TSHZ3: variants seen among roughly 807,000 people sequenced by gnomAD.
TSHZ3 encodes teashirt zinc finger homeobox 3.
In TSHZ3, 10 loss-of-function variants were observed where a neutral mutation model predicts 64.5. That is an observed-to-expected ratio of 0.16 (90% CI 0.10 to 0.26). The LOEUF (loss-of-function observed/expected upper bound fraction) is 0.26. Among genes scored for constraint, TSHZ3 ranks in the 10% least tolerant of loss-of-function variants. The pLI, the probability that TSHZ3 is intolerant of heterozygous loss-of-function variation, is 1.00. For synonymous variants in TSHZ3, 608 were observed against 593.1 expected (o/e 1.03, Z -0.36); for missense variants, 1,242 against 1,421.7 (o/e 0.87, Z 2.03).
At chr19:31,297,501 A>G (rs1976685274) in intron 1 of TSHZ3, among the ~76,000 whole-genome samples, 1 of 152,144 alleles carries the variant, frequency 6.6e-6, no homozygotes, top group Non-Finnish European at 1.5e-5. Flanking sequence ...TTAAGAGACA[A>G]GGTCTTGTTC....
intron 1 of TSHZ3, among the ~76,000 whole-genome samples, chr19:31,246,043 T>A (rs1055818640): frequency 4.6e-5 from 7 of 152,228 alleles, no homozygotes; most frequent in Non-Finnish European, 7.3e-5. Context: ...CCTCAGAGAC[T>A]TCTCTTATTG....
intron 1 of TSHZ3, among the ~76,000 whole-genome samples, chr19:31,343,535 C>G (rs181832191): frequency 1.3e-3 from 203 of 152,180 alleles, no homozygotes; most frequent in African/African-American, 4.8e-3. Flanking sequence ...CAAGGACACT[C>G]TGTAATCTTT....
chr19:31,304,492 G>A (rs1976806602), intron 1 of TSHZ3, among the ~76,000 whole-genome samples: 1 of 145,798 alleles, frequency 6.9e-6, no homozygotes, highest in African/African-American at 2.5e-5. Flanking sequence ...GTCAAACTGG[G>A]ACCATAACAA....
At chr19:31,284,549 G>A (rs1976421791) in intron 1 of TSHZ3, among the ~76,000 whole-genome samples, 1 of 152,162 alleles carries the variant, frequency 6.6e-6, no homozygotes, top group Admixed American at 6.5e-5. Context: ...CTCAGCTTCT[G>A]AGATGCACCA....
At chr19:31,179,933 C>A (rs1455325994) in intron 5 of TSHZ3, among the ~76,000 whole-genome samples, 1 of 152,008 alleles carries the variant, frequency 6.6e-6, no homozygotes, top group South Asian at 2.1e-4. Flanking sequence ...AACCTTCACA[C>A]GAGCCCAGTA....
chr19:31,310,076 T>C (rs1283526376), intron 1 of TSHZ3, among the ~76,000 whole-genome samples: 1 of 152,204 alleles, frequency 6.6e-6, no homozygotes, highest in East Asian at 1.9e-4. Context: ...GCAAGTATGT[T>C]TTCCTTCCTT....
At chr19:31,268,819 T>C (rs540732732) in intron 1 of TSHZ3, among the ~76,000 whole-genome samples, 1 of 152,186 alleles carries the variant, frequency 6.6e-6, no homozygotes, top group Non-Finnish European at 1.5e-5. Context: ...AGATGAGCTC[T>C]GAGTCTCACC....
intron 5 of TSHZ3, among the ~76,000 whole-genome samples, chr19:31,163,864 C>T (rs1040350558): frequency 2.0e-5 from 3 of 152,184 alleles, no homozygotes; most frequent in Non-Finnish European, 4.4e-5. Context: ...CAAGTATATA[C>T]TGGGGGCTTA....
At chr19:31,203,685 A>C (rs1461024523) in intron 5 of TSHZ3, among the ~76,000 whole-genome samples, 1 of 151,766 alleles carries the variant, frequency 6.6e-6, no homozygotes, top group Non-Finnish European at 1.5e-5. Flanking sequence ...TCAGGTGCTC[A>C]CTCCTGAGCA....
At chr19:31,150,125 G>T (rs1190730022) in exon 7 of TSHZ3, among the ~76,000 whole-genome samples, 2 of 151,456 alleles carry the variant, frequency 1.3e-5, no homozygotes, top group East Asian at 3.9e-4. Context: ...ACTTTTGCAT[G>T]CAAAATGTGA....
Position 31,276,911 on chromosome 19 carries a change from C to A in TSHZ3, c.2882G>T (p.Gly961Val), listed in dbSNP as rs1976246773. The A allele has an allele frequency of 6.2e-7, 1 of 1,614,094 alleles. No individual in the cohort carries two copies. Among genetic ancestry groups the A allele is most frequent in the African/African-American group, 1.3e-5 (1 of 74,936 alleles). ...CAAGTTTTTGAGGAACTTTGTTCCACCTGTCCTTCGAAGCTGGTATTTCAC... is the reference window on the plus strand; with the variant it reads ...CAAGTTTTTGAGGAACTTTGTTCCAACTGTCCTTCGAAGCTGGTATTTCAC... ...ANVKYQLRRT[G>V]GTKFLKNLDT... is the part of the protein sequence containing the mutation. Residue 961 changes from glycine (G) to valine (V), a missense_variant, in exon 2 of 2, where the codon GGT (glycine) becomes GTT (valine). Physicochemically the swap from Gly to Val is moderately radical, Grantham distance 109. This residue lies in a region of TSHZ3 where 11 missense variants were observed against 31.9 expected (regional missense o/e 0.34). Coordinates refer to ENST00000240587, the MANE Select transcript of TSHZ3 (RefSeq NM_020856.4).
At chr19:31,348,211 C>A (rs146869514) in intron 1 of TSHZ3, among the ~76,000 whole-genome samples, 1 of 152,084 alleles carries the variant, frequency 6.6e-6, no homozygotes, top group Non-Finnish European at 1.5e-5. Context: ...CTCACTATTG[C>A]AAGTGATTTA....
downstream of TSHZ3, among the ~76,000 whole-genome samples, chr19:31,270,780 G>T: frequency 6.6e-6 from 1 of 152,204 alleles, no homozygotes; most frequent in East Asian, 1.9e-4. Context: ...GACAGCACAG[G>T]TTAGAAGGTA....
At chr19:31,289,426 A>G (rs1976522893) in intron 1 of TSHZ3, among the ~76,000 whole-genome samples, 1 of 152,170 alleles carries the variant, frequency 6.6e-6, no homozygotes, top group African/African-American at 2.4e-5. Context: ...AGAGAAGAAA[A>G]AGGGAGGGAA....
intron 5 of TSHZ3, among the ~76,000 whole-genome samples, chr19:31,159,661 A>G (rs931180248): frequency 1.3e-5 from 2 of 152,184 alleles, no homozygotes; most frequent in Non-Finnish European, 2.9e-5. Context: ...ATGTTAATTG[A>G]AAGAAAATGA....
intron 5 of TSHZ3, among the ~76,000 whole-genome samples, chr19:31,179,701 T>C (rs1373951840): frequency 1.3e-5 from 2 of 150,862 alleles, no homozygotes; most frequent in African/African-American, 4.9e-5. Flanking sequence ...GTGGTGGTGG[T>C]GATGGTGGTG....
intron 1 of TSHZ3, among the ~76,000 whole-genome samples, chr19:31,293,816 A>T (rs1785449623): frequency 6.6e-6 from 1 of 152,216 alleles, no homozygotes; most frequent in South Asian, 2.1e-4. Flanking sequence ...CTGGCATGAC[A>T]ACTGTACTCA....
intron 1 of TSHZ3, among the ~76,000 whole-genome samples, chr19:31,320,390 C>T (rs765540652): frequency 4.6e-5 from 7 of 152,130 alleles, no homozygotes; most frequent in Non-Finnish European, 8.8e-5. Context: ...CCGTGGCTGC[C>T]GTTCCTTCAT....
At chr19:31,304,760 A>C (rs907193748) in intron 1 of TSHZ3, among the ~76,000 whole-genome samples, 2 of 152,182 alleles carry the variant, frequency 1.3e-5, no homozygotes, top group Admixed American at 1.3e-4. Context: ...AGTTTGTAAA[A>C]ATTATTTATT....
Sources: gnomAD v4.1 joint callset for allele counts (sites outside exome capture counted in the v4.1 genomes callset) on GRCh38, gnomAD v4.1.1 for gene constraint, gnomAD v4.1.1 regional missense constraint, MANE v1.5 for transcripts, NCBI Gene and HGNC (gene_info 2026-07-23, HGNC 2026-07-21) for gene names.